The following CYREN variants were observed in gnomAD, a reference collection of about 807,000 sequenced individuals.
The protein encoded by CYREN is cell cycle regulator of NHEJ.
Under a neutral mutation model 9.7 loss-of-function variants are expected in CYREN, and 7 were observed. That is an observed-to-expected ratio of 0.72 (90% CI 0.41 to 1.36). The LOEUF is 1.36. Among genes scored for constraint, CYREN ranks in the 40% most tolerant of loss-of-function variants. The probability of loss-of-function intolerance (pLI) is 0.01; values close to 1 mark genes in which losing one functional copy is unlikely to be tolerated. For missense variants in CYREN, 215 were observed against 198.1 expected (o/e 1.09, Z -0.51); for synonymous variants, 76 against 77.9 (o/e 0.98, Z 0.13).
At chr7:135,163,268 G>A (rs1424666628), downstream of CYREN, among the ~76,000 whole-genome samples, 1 of 152,172 alleles carries the variant, frequency 6.6e-6, no homozygotes, top group African/African-American at 2.4e-5. Context: ...ATCAGTACAG[G>A]AAGAAAATAT....
At chr7:135,095,141 C>T (rs1483146037) in intron 2 of CYREN, among the ~76,000 whole-genome samples, 1 of 152,186 alleles carries the variant, frequency 6.6e-6, no homozygotes, top group African/African-American at 2.4e-5. Context: ...AGGGATATTT[C>T]TGCAACTCCA....
At chr7:135,109,407 G>A (rs1028850459) in intron 2 of CYREN, among the ~76,000 whole-genome samples, 4 of 152,026 alleles carry the variant, frequency 2.6e-5, no homozygotes, top group Admixed American at 6.6e-5. Context: ...CCAGCAAGGA[G>A]TGGCTGAAGA....
intron 2 of CYREN, among the ~76,000 whole-genome samples, chr7:135,125,314 G>A (rs1299722753): frequency 6.6e-6 from 1 of 151,856 alleles, no homozygotes; most frequent in Non-Finnish European, 1.5e-5. Flanking sequence ...AGAAATTCCT[G>A]GACACACACA....
chr7:135,099,882 C>CTTTTTTTTTTTTTTTT (rs34324217), intron 2 of CYREN: 2 of 62,700 alleles, frequency 3.2e-5, no homozygotes, highest in African/African-American at 6.4e-5. Context: ...CTGAGTTTCT[C>CTTTTTTTTTTTTTTTT]TTTTTTTTTT....
At chr7:135,118,760 A>C (rs751003186) in intron 2 of CYREN, among the ~76,000 whole-genome samples, 2 of 152,160 alleles carry the variant, frequency 1.3e-5, no homozygotes. Context: ...GCTTCAAAAA[A>C]CACTTATAAA....
chr7:135,122,522 C>A (rs1377054682), intron 2 of CYREN, among the ~76,000 whole-genome samples: 2 of 152,196 alleles, frequency 1.3e-5, no homozygotes, highest in African/African-American at 2.4e-5. Context: ...GCACACCCCC[C>A]CAACCAAGGG....
chr7:135,093,109 C>G (rs1822101689), exon 3 of CYREN: 1 of 151,466 alleles, frequency 6.6e-6, no homozygotes, highest in African/African-American at 2.4e-5. Context: ...AAATGCTTTT[C>G]TCCCTGAGAC....
intron 2 of CYREN, among the ~76,000 whole-genome samples, chr7:135,111,191 CCT>C (rs3038318): frequency 0.48 from 73,581 of 151,758 alleles, 18,185 homozygotes; most frequent in South Asian, 0.66. Flanking sequence ...AATAAATATC[CCT>C]CTGTTTAAGG....
chr7:135,165,058 C>A, downstream of CYREN: 1 of 1,498,106 alleles, frequency 6.7e-7, no homozygotes, highest in South Asian at 1.3e-5. Flanking sequence ...CACATCTGCT[C>A]AGCCATCTCA....
chr7:135,115,724 C>T (rs1826227287), intron 2 of CYREN: 4 of 841,076 alleles, frequency 4.8e-6, no homozygotes, highest in Non-Finnish European at 7.2e-6. Context: ...AAAATGATGT[C>T]AGCTCCATCA....
chr7:135,152,718 C>T (rs1254984431), intron 2 of CYREN: 2 of 152,194 alleles, frequency 1.3e-5, no homozygotes, highest in Non-Finnish European at 2.9e-5. Context: ...TCCCTGGTCC[C>T]CTTTGGCTTT....
chr7:135,171,574 C>T (rs918940086), upstream of CYREN, among the ~76,000 whole-genome samples: 3 of 152,196 alleles, frequency 2.0e-5, no homozygotes, highest in Non-Finnish European at 4.4e-5. Context: ...CAATCACGAC[C>T]CTTTCATGTG....
At chr7:135,168,385 T>C (rs1297210764) in intron 2 of CYREN, 3 of 184,456 alleles carry the variant, frequency 1.6e-5, no homozygotes, top group Non-Finnish European at 3.4e-5. Flanking sequence ...GCTGCTCATC[T>C]GTCCATCCCT....
chr7:135,129,457 T>C (rs1410352256), intron 2 of CYREN: 2 of 778,564 alleles, frequency 2.6e-6, no homozygotes, highest in Non-Finnish European at 2.4e-6. Context: ...AAGGAGTGGC[T>C]AGAGAAAAAC....
At chr7:135,149,949 A>G (rs1829629429) in intron 2 of CYREN, among the ~76,000 whole-genome samples, 1 of 152,116 alleles carries the variant, frequency 6.6e-6, no homozygotes. Context: ...AATTATATTT[A>G]TGTTGTTTTT....
intron 3 of CYREN, 138 bp downstream of exon 3, chr7:135,167,594 A>G (rs933408560): frequency 4.1e-6 from 6 of 1,473,744 alleles, no homozygotes; most frequent in Admixed American, 5.2e-5. Flanking sequence ...CATGGCCGAG[A>G]TAAGAGCAAG....
At chr7:135,131,659 G>T (rs550519947) in intron 2 of CYREN, among the ~76,000 whole-genome samples, 6 of 151,588 alleles carry the variant, frequency 4.0e-5, no homozygotes, top group South Asian at 2.1e-4. Flanking sequence ...AAAAAGAAAA[G>T]CAAATAAACT....
chr7:135,166,526 A>G lies in CYREN; in HGVS notation c.*85T>C, dbSNP rs1322007077. The G allele has an allele frequency of 6.6e-7, 1 of 1,506,178 alleles. No homozygotes were observed. Among genetic ancestry groups the G allele is most frequent in the Non-Finnish European group, 8.8e-7 (1 of 1,134,236 alleles). The allele number at this position is 1,506,178 out of a possible 1,614,324, so 93.3% of individuals were successfully genotyped here. ...TAGGAGCACAGAGAGCCCCATTCCC[A>G]CAGGCGGGCGGCCCAGCAGCACCAG... is the stretch of plus-strand genomic sequence containing the variant. On this transcript the variant is annotated 3_prime_UTR_variant, in exon 4 of 4. Coordinates refer to ENST00000393114, the MANE Select transcript of CYREN (RefSeq NM_024033.4).
rs144310396 is a variant in CYREN at position 135,135,649 on chromosome 7, A to G, written n.356+33100T>C. ...TCCCTACTAGACACTTTAATCAATT[A>G]GTCAACAAACATCATTTCCTGATTT... On this transcript the variant is annotated intron_variant and non_coding_transcript_variant, in intron 2 of 2. Coordinates refer to the CYREN transcript ENST00000459937. 1,258 of 156,938 alleles carry G rather than the reference A, an allele frequency of 8.0e-3. 11 individuals are homozygous for G. Among genetic ancestry groups the G allele is most frequent in the Admixed American group, 0.013 (205 of 15,710 alleles). The allele number at this position is 156,938 out of a possible 1,614,324, so 9.7% of individuals were successfully genotyped here.
Sources: allele counts gnomAD v4.1 joint callset (sites outside exome capture counted in the v4.1 genomes callset), GRCh38; gene constraint gnomAD v4.1.1; transcripts MANE v1.5; gene names NCBI Gene and HGNC (gene_info 2026-07-23, HGNC 2026-07-21).